PPP2R2B: variants seen among roughly 807,000 people sequenced by gnomAD.
PPP2R2B encodes the protein serine/threonine-protein phosphatase 2A 55 kDa regulatory subunit B beta isoform.
In PPP2R2B, 5 loss-of-function variants were observed where a neutral mutation model predicts 46.0. The ratio of observed to expected loss-of-function variants is 0.11; its 90% confidence interval spans 0.06 to 0.23. The LOEUF (loss-of-function observed/expected upper bound fraction) is 0.23. Ranked by LOEUF, PPP2R2B falls within the 10% of genes least tolerant of loss-of-function variation. The pLI is 1.00. For synonymous variants in PPP2R2B, 215 were observed against 206.7 expected, an observed-to-expected ratio of 1.04 and a Z score of -0.34; for missense variants, 367 against 575.0, an observed-to-expected ratio of 0.64 and a Z score of 3.70.
chr5:147,024,022 T>A (rs544447103), intron 1 of PPP2R2B, among the ~76,000 whole-genome samples: 5 of 152,310 alleles, frequency 3.3e-5, no homozygotes, highest in African/African-American at 1.2e-4. Flanking sequence ...TTGGCTCCCA[T>A]CATTCTTGGC....
chr5:146,894,404 T>C (rs1018219817), intron 1 of PPP2R2B, among the ~76,000 whole-genome samples: 2 of 152,212 alleles, frequency 1.3e-5, no homozygotes, highest in South Asian at 2.1e-4. Flanking sequence ...TTGTGATTTA[T>C]AGGCCTTGCC....
chr5:146,985,861 C>T lies in PPP2R2B; in HGVS notation c.79+69804G>A, dbSNP rs573898440. Among the ~76,000 whole-genome samples, 60 of 152,172 alleles carry T rather than the reference C, an allele frequency of 3.9e-4. No homozygotes were observed. The South Asian group carries it at 0.011, about 29-fold the overall frequency. On this transcript the variant is annotated intron_variant, in intron 1 of 8. Transcript: ENST00000336640. Reference sequence around the variant, plus strand: ...AAACTGTTAAACTAATTAAAAAATACACTAAAGTTGTGGGATACAAAATCA... The same window carrying T: ...AAACTGTTAAACTAATTAAAAAATATACTAAAGTTGTGGGATACAAAATCA...
intron 2 of PPP2R2B, among the ~76,000 whole-genome samples, chr5:146,726,462 TA>T (rs1249515299): frequency 6.6e-6 from 1 of 152,206 alleles, no homozygotes; most frequent in Non-Finnish European, 1.5e-5. Context: ...CCCTGATTAT[TA>T]ACAATAGTGA....
At chr5:146,853,464 C>A (rs1760470670) in intron 2 of PPP2R2B, among the ~76,000 whole-genome samples, 1 of 152,080 alleles carries the variant, frequency 6.6e-6, no homozygotes. Context: ...GTTTTCAAAT[C>A]CTGGCTTTTC....
chr5:146,760,681 C>T (rs993024445), intron 2 of PPP2R2B, among the ~76,000 whole-genome samples: 2 of 152,164 alleles, frequency 1.3e-5, no homozygotes, highest in Non-Finnish European at 2.9e-5. Context: ...GCATGCTCTG[C>T]TGTGATTTTG....
intron 2 of PPP2R2B, among the ~76,000 whole-genome samples, chr5:146,713,733 C>T (rs750830445): frequency 3.3e-5 from 5 of 152,074 alleles, no homozygotes; most frequent in African/African-American, 4.8e-5. Context: ...TGAAAAAATA[C>T]AAGAATCAAG....
rs188272707 is a variant in PPP2R2B, at chr5:146,969,316, C to T, written c.79+86349G>A. ...CCTGTGCAAAGGACTGGAGTGAAAC[C>T]AGATCACAGAAACTTTTGGAAATAC... On this transcript the variant is annotated intron_variant, in intron 1 of 8. Coordinates refer to the PPP2R2B transcript ENST00000336640. Among the ~76,000 whole-genome samples, 56 of 152,238 alleles carry T rather than the reference C, an allele frequency of 3.7e-4. 1 individual carries two copies. Among genetic ancestry groups the T allele is most frequent in the Middle Eastern group, 3.4e-3 (1 of 294 alleles).
At chr5:146,763,039 A>G (rs1754261038) in intron 2 of PPP2R2B, among the ~76,000 whole-genome samples, 2 of 152,204 alleles carry the variant, frequency 1.3e-5, no homozygotes, top group Non-Finnish European at 2.9e-5. Context: ...CAGCTCTGTG[A>G]GCCTGTTTTG....
intron 7 of PPP2R2B, among the ~76,000 whole-genome samples, chr5:146,619,465 C>T (rs1773494281): frequency 6.6e-6 from 1 of 152,046 alleles, no homozygotes; most frequent in African/African-American, 2.4e-5. Context: ...AAAACAAACC[C>T]AAAATACAAA....
At position 146,676,996 on chromosome 5, in the gene PPP2R2B, T is replaced by C. The variant is rs112294574; in HGVS notation, c.447+14132A>G. 7.0e-3 allele frequency among the ~76,000 whole-genome samples: 1,071 copies of C among 152,268 alleles called. 11 individuals are homozygous for C. Among genetic ancestry groups the C allele is most frequent in the African/African-American group, 0.024 (986 of 41,562 alleles). On this transcript the variant is annotated intron_variant, in intron 5 of 9. Transcript: ENST00000394411. ...ATAATGATAACCAAGTGTGGCTTTG[T>C]TTTGTCACTTCTATCTTAATCTCTA...
chr5:146,623,840 C>A (rs1033742839), intron 7 of PPP2R2B, among the ~76,000 whole-genome samples: 1 of 152,142 alleles, frequency 6.6e-6, no homozygotes, highest in Non-Finnish European at 1.5e-5. Context: ...AAGAGACTTG[C>A]ACTGATGGGG....
chr5:147,016,270 G>A (rs867640269), intron 1 of PPP2R2B, among the ~76,000 whole-genome samples: 4 of 151,182 alleles, frequency 2.6e-5, no homozygotes, highest in Admixed American at 1.3e-4. Context: ...AGGACTTCGC[G>A]GTTATAGTAA....
chr5:146,704,347 A>C (rs1321950475), intron 2 of PPP2R2B, among the ~76,000 whole-genome samples: 1 of 152,216 alleles, frequency 6.6e-6, no homozygotes, highest in Non-Finnish European at 1.5e-5. Flanking sequence ...GCAAGTTTAG[A>C]GATAATAACG....
intron 1 of PPP2R2B, among the ~76,000 whole-genome samples, chr5:146,890,046 T>C (rs1312159786): frequency 6.6e-6 from 1 of 152,352 alleles, no homozygotes; most frequent in East Asian, 1.9e-4. Flanking sequence ...ACACAATGGC[T>C]CTTCTTAACT....
intron 2 of PPP2R2B, among the ~76,000 whole-genome samples, chr5:146,809,760 C>T (rs1028517607): frequency 6.6e-6 from 1 of 152,074 alleles, no homozygotes; most frequent in Admixed American, 6.6e-5. Flanking sequence ...CTGACAAGTG[C>T]TTCATGTTTT....
intron 1 of PPP2R2B, among the ~76,000 whole-genome samples, chr5:146,975,555 A>G (rs894794816): frequency 3.3e-5 from 5 of 152,168 alleles, no homozygotes; most frequent in African/African-American, 1.2e-4. Context: ...TGGTAACTCA[A>G]TTTTTAATAT....
chr5:146,737,266 CTAGTAGTATTTTT>C (rs1272157799), intron 2 of PPP2R2B, among the ~76,000 whole-genome samples: 1 of 152,184 alleles, frequency 6.6e-6, no homozygotes, highest in East Asian at 1.9e-4. Context: ...GCTGTGCCTT[CTAGTAGTATTTTT>C]TGGGTGTCTA....
At chr5:146,649,083 A>T (rs1179206262) in intron 6 of PPP2R2B, among the ~76,000 whole-genome samples, 2 of 152,256 alleles carry the variant, frequency 1.3e-5, no homozygotes, top group Non-Finnish European at 2.9e-5. Context: ...AGATTATTGC[A>T]GTCACAGTGG....
At chr5:147,004,950 C>A (rs1205266246) in intron 1 of PPP2R2B, among the ~76,000 whole-genome samples, 1 of 152,078 alleles carries the variant, frequency 6.6e-6, no homozygotes, top group African/African-American at 2.4e-5. Flanking sequence ...GTGTCAGAGG[C>A]TATACAAGGA....
Sources: allele counts gnomAD v4.1 joint callset (sites outside exome capture counted in the v4.1 genomes callset), GRCh38; gene constraint gnomAD v4.1.1; transcripts MANE v1.5; gene names NCBI Gene and HGNC (gene_info 2026-07-23, HGNC 2026-07-21).